The following SQSTM1 variants were observed in gnomAD, a reference collection of about 807,000 sequenced individuals.
SQSTM1 encodes the protein sequestosome 1, also known as sequestosome-1.
Under a neutral mutation model 45.1 loss-of-function variants are expected in SQSTM1, and 36 were observed. The observed-to-expected ratio is 0.80, with a 90% CI of 0.61 to 1.05. The LOEUF (loss-of-function observed/expected upper bound fraction) is 1.05, where lower values mean the gene tolerates loss of function less well. Ranked by LOEUF, SQSTM1 falls within the 50% of genes least tolerant of loss-of-function variation. The pLI, the probability that SQSTM1 is intolerant of heterozygous loss-of-function variation, is 0.00. For missense variants in SQSTM1, 617 were observed against 607.1 expected, an observed-to-expected ratio of 1.02 and a Z score of -0.17; for synonymous variants, 290 against 244.3, an observed-to-expected ratio of 1.19 and a Z score of -1.74.
chr5:179,808,936 C>T (rs1183321464), intron 1 of SQSTM1, among the ~76,000 whole-genome samples: 1 of 150,752 alleles, frequency 6.6e-6, no homozygotes, highest in African/African-American at 2.4e-5. Flanking sequence ...GGGCTCACTG[C>T]AAGCTCCGCC....
chr5:179,832,626 G>T (rs564333183), intron 5 of SQSTM1, among the ~76,000 whole-genome samples: 1 of 152,316 alleles, frequency 6.6e-6, no homozygotes, highest in African/African-American at 2.4e-5. Flanking sequence ...GTCCTGCATG[G>T]TTAGGAAAAA....
chr5:179,811,727 G>A (rs1757409095), intron 2 of SQSTM1: 1 of 152,130 alleles, frequency 6.6e-6, no homozygotes, highest in South Asian at 2.1e-4. Flanking sequence ...CTCTTTCTAA[G>A]CCTATTTATC....
At position 179,831,622 on chromosome 5, in the gene SQSTM1, G is replaced by A. The variant is rs7379611; in HGVS notation, c.755-1410G>A. Among the ~76,000 whole-genome samples the A allele has an allele frequency of 2.3e-4, 35 of 152,170 alleles. No individual in the cohort carries two copies. In the South Asian group the frequency reaches 6.8e-3, roughly 30 times the overall value. On this transcript the variant is annotated intron_variant, in intron 5 of 7. Coordinates refer to ENST00000389805, the MANE Select transcript of SQSTM1 (RefSeq NM_003900.5). ...GGCTGCAGTGAGCCGAGAGATTGCG[G>A]CACTGCGCTCCAGCCTGGGCAACAG...
At chr5:179,816,742 G>A (rs1374459016), upstream of SQSTM1, among the ~76,000 whole-genome samples, 1 of 152,052 alleles carries the variant, frequency 6.6e-6, no homozygotes, top group Non-Finnish European at 1.5e-5. Context: ...GGACCCTTCC[G>A]GGGTCACTTT....
In SQSTM1 at chr5:179,806,607, C is replaced by T; in HGVS notation, c.-157+16C>T. On this transcript the variant is annotated intron_variant, in intron 1 of 5. Transcript: ENST00000514093. This position sits in a 1 kb window ranked among gnomAD's most constrained non-coding sequence, Gnocchi z 4.6. ...ATCTCCTCGGGTGCGCGGCGGGCGC[C>T]CGCGGGGCCGAGGCTGCATGGCCCG... is the stretch of plus-strand genomic sequence containing the variant. 3 of 1,211,300 alleles carry T rather than the reference C, an allele frequency of 2.5e-6. No homozygotes were observed. Among genetic ancestry groups the T allele is most frequent in the African/African-American group, 1.6e-5 (1 of 61,924 alleles). 75.0% of individuals were successfully genotyped at this position (1,211,300 alleles called of 1,614,324 possible). A position where few individuals can be genotyped will look rare whatever the true frequency, so the allele number is the denominator to read the frequency against.
intron 3 of SQSTM1, 42 bp from the exon 4 acceptor site, chr5:179,824,140 T>C (rs1757902379): frequency 1.2e-6 from 2 of 1,613,364 alleles, no homozygotes; most frequent in South Asian, 1.1e-5. Flanking sequence ...GCAGGAACCT[T>C]GACCCGCTCA....
At chr5:179,818,499 G>A (rs574190373), upstream of SQSTM1, among the ~76,000 whole-genome samples, 1 of 152,310 alleles carries the variant, frequency 6.6e-6, no homozygotes, top group Non-Finnish European at 1.5e-5. Context: ...TTATTTGGGA[G>A]GGGGGAAGGG....
At chr5:179,833,446 C>T in intron 6 of SQSTM1, 141 bp from the exon 7 acceptor site, 1 of 1,014,446 alleles carries the variant, frequency 9.9e-7, no homozygotes, top group Non-Finnish European at 1.5e-6. Flanking sequence ...TTGTGAGTGG[C>T]CACTGTTCCC....
At chr5:179,828,363 TCTTA>T (rs1758081387) in intron 5 of SQSTM1, among the ~76,000 whole-genome samples, 1 of 147,566 alleles carries the variant, frequency 6.8e-6, no homozygotes, top group Non-Finnish European at 1.5e-5. Flanking sequence ...CTTTTTTTTT[TCTTA>T]TCTTTTTTTT....
intron 5 of SQSTM1, 136 bp from the exon 6 acceptor site, chr5:179,832,896 A>T: frequency 1.1e-6 from 1 of 889,182 alleles, no homozygotes; most frequent in Non-Finnish European, 1.8e-6. Context: ...GAGTGCCACC[A>T]TCCAGACACT....
chr5:179,836,597 C>T lies in SQSTM1; in HGVS notation c.*4C>T. 1 of 1,614,182 alleles carries T rather than the reference C, an allele frequency of 6.2e-7. No homozygotes were observed. Among genetic ancestry groups the T allele is most frequent in the South Asian group, 1.1e-5 (1 of 91,086 alleles). ...AAAGCATCCCCCGCCGTTGTGACCA[C>T]TTTTGCCCACCTCTTCTGCGTGCCC... On this transcript the variant is annotated 3_prime_UTR_variant, in exon 8 of 8. Transcript: ENST00000389805.
rs373306317 is a variant in SQSTM1, at chr5:179,822,956, A to G, written c.206-2A>G. On this transcript the variant is annotated splice_acceptor_variant, in intron 1 of 7. Transcript: ENST00000389805. LOFTEE classifies it high-confidence loss of function. ...TCACGTGCTGTCTTTTAAACAATCT[A>G]GATGAGGACGGGGACTTGGTTGCCT... is the stretch of plus-strand genomic sequence containing the variant. The G allele has an allele frequency of 6.2e-7, 1 of 1,613,942 alleles. No homozygotes were observed. Among genetic ancestry groups the G allele is most frequent in the African/African-American group, 1.3e-5 (1 of 74,926 alleles).
chr5:179,808,072 C>G (rs1204769796), intron 1 of SQSTM1: 2 of 152,332 alleles, frequency 1.3e-5, no homozygotes, highest in Non-Finnish European at 2.9e-5. Flanking sequence ...GGCCCGCTGC[C>G]GGCTTGGACC....
rs140315612 is a variant in SQSTM1 at position 179,833,223 on chromosome 5, T to C, written c.946T>C (p.Leu316=). The change falls in exon 6 of 8, where the codon TTG becomes CTG. Residue 316 remains leucine (L), a synonymous_variant. Coordinates refer to ENST00000389805, the MANE Select transcript of SQSTM1 (RefSeq NM_003900.5). The part of the protein sequence containing the change: ...SLAEQMRKIA[L]ESEGRPEEQM... ...GGCGGAGCAGATGAGGAAGATCGCC[T>C]TGGAGTCCGAGGGGCGCCCTGAGGC... The C allele has an allele frequency of 6.0e-5, 96 of 1,600,442 alleles. No individual in the cohort carries two copies. In the African/African-American group the frequency reaches 1.0e-3, roughly 17 times the overall value.
intron 1 of SQSTM1, among the ~76,000 whole-genome samples, chr5:179,822,089 C>T (rs1441695120): frequency 2.0e-5 from 3 of 152,214 alleles, no homozygotes; most frequent in South Asian, 2.1e-4. Context: ...TTATAAACGC[C>T]ATACATACCT....
intron 2 of SQSTM1, chr5:179,812,050 C>G (rs193229716): frequency 6.6e-6 from 1 of 152,184 alleles, no homozygotes; most frequent in Non-Finnish European, 1.5e-5. Context: ...ATGATCCGCC[C>G]GCCTCGGCCT....
intron 2 of SQSTM1, among the ~76,000 whole-genome samples, chr5:179,823,386 C>G (rs551550986): frequency 2.0e-4 from 25 of 122,838 alleles, no homozygotes; most frequent in African/African-American, 7.9e-4. Context: ...ATCACTTAAA[C>G]CTGGAGAGCG....
At chr5:179,828,477 G>T (rs925765083) in intron 5 of SQSTM1, among the ~76,000 whole-genome samples, 3 of 149,210 alleles carry the variant, frequency 2.0e-5, no homozygotes, top group African/African-American at 7.5e-5. Context: ...GGGTTCAAGC[G>T]ATTCTCCTGC....
chr5:179,815,155 G>A (rs57723597), upstream of SQSTM1, among the ~76,000 whole-genome samples: 2,515 of 152,230 alleles, frequency 0.017, 91 homozygotes, highest in African/African-American at 0.058. Context: ...GGTGGCTCAC[G>A]CCTGTAATCC....
Sources: allele counts gnomAD v4.1 joint callset (sites outside exome capture counted in the v4.1 genomes callset), GRCh38; gene constraint gnomAD v4.1.1; non-coding constraint Gnocchi (gnomAD v3.1); transcripts MANE v1.5; gene names NCBI Gene and HGNC (gene_info 2026-07-23, HGNC 2026-07-21).